The following FSIP1 variants were observed in gnomAD, a reference collection of about 807,000 sequenced individuals.
The protein encoded by FSIP1 is fibrous sheath-interacting protein 1.
A neutral mutation model predicts 60.9 loss-of-function variants in FSIP1; 65 were observed. That is an observed-to-expected ratio of 1.07 (90% CI 0.87 to 1.31). FSIP1 has a LOEUF of 1.31. Ranked by LOEUF, FSIP1 falls within the 40% of genes most tolerant of loss-of-function variation. The pLI is 0.00. For missense variants in FSIP1, 675 were observed against 665.5 expected, an observed-to-expected ratio of 1.01 and a Z score of -0.16; for synonymous variants, 209 against 221.2, an observed-to-expected ratio of 0.94 and a Z score of 0.49.
chr15:39,641,017 A>C (rs1223068138), intron 10 of FSIP1, among the ~76,000 whole-genome samples: 1 of 152,218 alleles, frequency 6.6e-6, no homozygotes, highest in Non-Finnish European at 1.5e-5. Context: ...GGCCATATTT[A>C]GTTTGCTTTA....
At chr15:39,646,071 C>A (rs1033816082) in intron 10 of FSIP1, among the ~76,000 whole-genome samples, 1 of 152,184 alleles carries the variant, frequency 6.6e-6, no homozygotes, top group Admixed American at 6.5e-5. Flanking sequence ...TCAGCCAGAG[C>A]AGGGCAGAGG....
intron 10 of FSIP1, among the ~76,000 whole-genome samples, chr15:39,673,609 C>G (rs1043898170): frequency 1.3e-5 from 2 of 152,210 alleles, no homozygotes; most frequent in Admixed American, 6.5e-5. Context: ...AGCCATTGAG[C>G]CTGGCTCGTA....
intron 10 of FSIP1, among the ~76,000 whole-genome samples, chr15:39,688,365 C>T (rs973127067): frequency 2.0e-5 from 3 of 152,132 alleles, no homozygotes; most frequent in African/African-American, 7.2e-5. Context: ...GCTCAGAACA[C>T]TTATATTAGC....
At position 39,741,804 on chromosome 15, in the gene FSIP1, C is replaced by T; in HGVS notation, c.655+1G>A. 6 of 1,476,720 alleles carry T rather than the reference C, an allele frequency of 4.1e-6. No individual in the cohort carries two copies. The highest frequency in any genetic ancestry group is 5.7e-6 in the Non-Finnish European group (6 of 1,056,628). 91.5% of individuals were successfully genotyped at this position (1,476,720 alleles called of 1,614,324 possible). A position where few individuals can be genotyped will look rare whatever the true frequency, so the allele number is the denominator to read the frequency against. On this transcript the variant is annotated splice_donor_variant, in intron 6 of 11. Coordinates refer to ENST00000350221, the MANE Select transcript of FSIP1 (RefSeq NM_152597.5). LOFTEE classifies it high-confidence loss of function. ...GTATAATCACACAAATTTAAATATA[C>T]CTTTATTGAGTTTCTGCATCTGCAT...
intron 5 of FSIP1, among the ~76,000 whole-genome samples, chr15:39,754,737 T>C (rs953565347): frequency 2.6e-5 from 4 of 151,762 alleles, no homozygotes; most frequent in African/African-American, 7.3e-5. Flanking sequence ...GTTTCAACAA[T>C]AGGAGGAAGA....
chr15:39,641,552 A>G (rs1183618935), intron 10 of FSIP1, among the ~76,000 whole-genome samples: 3 of 152,260 alleles, frequency 2.0e-5, no homozygotes, highest in African/African-American at 7.2e-5. Flanking sequence ...TATGACAAAT[A>G]TAATAAAATA....
intron 6 of FSIP1, among the ~76,000 whole-genome samples, chr15:39,740,487 A>T (rs1896767914): frequency 6.6e-6 from 1 of 152,224 alleles, no homozygotes; most frequent in Non-Finnish European, 1.5e-5. Flanking sequence ...CTAAAACAAG[A>T]TCATGTGAAC....
At chr15:39,766,799 A>C (rs570739201) in intron 3 of FSIP1, among the ~76,000 whole-genome samples, 1 of 152,318 alleles carries the variant, frequency 6.6e-6, no homozygotes, top group South Asian at 2.1e-4. Flanking sequence ...GAAAACCCAA[A>C]GGGTTAAGTG....
chr15:39,657,129 T>C (rs1050735567), intron 10 of FSIP1, among the ~76,000 whole-genome samples: 7 of 152,240 alleles, frequency 4.6e-5, no homozygotes, highest in African/African-American at 9.6e-5. Flanking sequence ...CCAGGGAAGA[T>C]GGAGGACACC....
chr15:39,686,340 T>A (rs565977804), intron 10 of FSIP1, among the ~76,000 whole-genome samples: 5 of 152,342 alleles, frequency 3.3e-5, no homozygotes, highest in African/African-American at 1.2e-4. Flanking sequence ...AAAAAATAAA[T>A]TTAAAAAATG....
At chr15:39,692,906 C>T (rs1453979440) in intron 10 of FSIP1, among the ~76,000 whole-genome samples, 3 of 152,214 alleles carry the variant, frequency 2.0e-5, no homozygotes, top group African/African-American at 4.8e-5. Context: ...GCCCACGCTA[C>T]GCCTGCCTGG....
At chr15:39,713,289 G>A (rs1895597317) in intron 10 of FSIP1, among the ~76,000 whole-genome samples, 155 bp downstream of exon 10, 1 of 152,112 alleles carries the variant, frequency 6.6e-6, no homozygotes, top group African/African-American at 2.4e-5. Context: ...AGAGATGGAC[G>A]GGTGCGGTGG....
chr15:39,780,404 A>G (rs1898219366), intron 1 of FSIP1, among the ~76,000 whole-genome samples: 1 of 152,210 alleles, frequency 6.6e-6, no homozygotes, highest in Non-Finnish European at 1.5e-5. Flanking sequence ...GGGCGCCTGT[A>G]GTCCCAGCTA....
At chr15:39,653,180 A>C (rs1892944553) in intron 10 of FSIP1, among the ~76,000 whole-genome samples, 1 of 151,450 alleles carries the variant, frequency 6.6e-6, no homozygotes, top group Admixed American at 6.6e-5. Context: ...TGTCTCAAAA[A>C]AAAAAAAAAA....
chr15:39,624,096 C>G (rs900102820), intron 10 of FSIP1, among the ~76,000 whole-genome samples: 4 of 152,202 alleles, frequency 2.6e-5, no homozygotes, highest in Non-Finnish European at 5.9e-5. Flanking sequence ...CACCACTGGT[C>G]CAAACATCTG....
At chr15:39,629,713 A>C (rs1156563180) in intron 10 of FSIP1, among the ~76,000 whole-genome samples, 1 of 152,270 alleles carries the variant, frequency 6.6e-6, no homozygotes, top group Middle Eastern at 3.2e-3. Context: ...CTCAAGGAAC[A>C]AACTCACATT....
At chr15:39,710,440 A>AG (rs1230308588) in intron 10 of FSIP1, among the ~76,000 whole-genome samples, 2 of 135,436 alleles carry the variant, frequency 1.5e-5, no homozygotes, top group Non-Finnish European at 1.6e-5. Flanking sequence ...ACTCTGTCTC[A>AG]GAAAAAAAAA....
chr15:39,641,668 TATGAGTC>T (rs1452042427), intron 10 of FSIP1, among the ~76,000 whole-genome samples: 2 of 147,360 alleles, frequency 1.4e-5, no homozygotes, highest in Non-Finnish European at 3.0e-5. Context: ...TTGCATGAAC[TATGAGTC>T]ATAGCTTCAA....
intron 10 of FSIP1, among the ~76,000 whole-genome samples, chr15:39,663,029 CCTTGTTT>C (rs1196099546): frequency 6.6e-6 from 1 of 152,090 alleles, no homozygotes; most frequent in Non-Finnish European, 1.5e-5. Flanking sequence ...AAACAAGCTT[CCTTGTTT>C]AAAATTTTCT....
Sources: allele counts gnomAD v4.1 joint callset (sites outside exome capture counted in the v4.1 genomes callset), GRCh38; gene constraint gnomAD v4.1.1; transcripts MANE v1.5; gene names NCBI Gene and HGNC (gene_info 2026-07-23, HGNC 2026-07-21).